Variants in NOMO2 observed in about 807,000 individuals in gnomAD.
NOMO2 encodes BOS complex subunit NOMO2.
In NOMO2, 14 loss-of-function variants were observed where a neutral mutation model predicts 67.1. The observed-to-expected ratio is 0.21, with a 90% CI of 0.14 to 0.33. The LOEUF (loss-of-function observed/expected upper bound fraction) is 0.33. Ranked by LOEUF, NOMO2 falls within the 10% of genes least tolerant of loss-of-function variation. The probability of loss-of-function intolerance (pLI) is 1.00; values close to 1 mark genes in which losing one functional copy is unlikely to be tolerated. For synonymous variants in NOMO2, 80 were observed against 305.9 expected (o/e 0.26, Z 7.71); for missense variants, 178 against 761.0 (o/e 0.23, Z 9.01).
intron 11 of NOMO2, among the ~76,000 whole-genome samples, chr16:18,536,070 A>G (rs887735465): frequency 3.9e-5 from 6 of 152,178 alleles, no homozygotes; most frequent in Non-Finnish European, 7.4e-5. Context: ...TGCTGAGATC[A>G]TAGGCGTGAG....
intron 1 of NOMO2, among the ~76,000 whole-genome samples, chr16:18,561,028 A>G (rs1902025356): frequency 1.3e-5 from 2 of 151,078 alleles, no homozygotes; most frequent in Non-Finnish European, 2.9e-5. Context: ...AATGAGGCCC[A>G]GGCCTTGCTC....
At chr16:18,556,763 T>C (rs1248778843) in intron 2 of NOMO2, among the ~76,000 whole-genome samples, 1 of 152,108 alleles carries the variant, frequency 6.6e-6, no homozygotes, top group Non-Finnish European at 1.5e-5. Flanking sequence ...CATGTATACA[T>C]ATGCATGTGT....
chr16:18,553,394 A>G (rs1341964878), intron 3 of NOMO2, among the ~76,000 whole-genome samples: 1 of 151,900 alleles, frequency 6.6e-6, no homozygotes, highest in Non-Finnish European at 1.5e-5. Context: ...AAAGTTCATA[A>G]TGTTGAGTGA....
intron 3 of NOMO2, among the ~76,000 whole-genome samples, chr16:18,553,805 AC>A (rs974134060): frequency 2.2e-4 from 29 of 131,554 alleles, no homozygotes; most frequent in Admixed American, 6.6e-4. Flanking sequence ...CCAGCCAGGC[AC>A]CCCCCACCCT....
Position 18,556,725 on chromosome 16 carries a change from G to A in NOMO2, c.255+977C>T, listed in dbSNP as rs1027326884. 6.6e-5 allele frequency among the ~76,000 whole-genome samples: 10 copies of A among 152,142 alleles called. No homozygotes were observed. The East Asian group carries it at 7.7e-4, about 12-fold the overall frequency. Reference sequence around the variant, plus strand: ...ATAGAGGTGTTTGTGGATACATATCGATGTGCATGTGTGCTTGTGTGTATT... The same window carrying A: ...ATAGAGGTGTTTGTGGATACATATCAATGTGCATGTGTGCTTGTGTGTATT... On this transcript the variant is annotated intron_variant, in intron 2 of 30. Coordinates refer to ENST00000622306, the MANE Select transcript of NOMO2 (RefSeq NM_173614.4).
At chr16:18,545,334 G>T (rs894086568) in intron 6 of NOMO2, among the ~76,000 whole-genome samples, 2 of 151,144 alleles carry the variant, frequency 1.3e-5, no homozygotes, top group African/African-American at 4.9e-5. Flanking sequence ...CTGACCTCAA[G>T]TGATCCACCC....
In NOMO2 at chr16:18,558,890, G is replaced by A. The variant is rs938346771; in HGVS notation, c.166-1099C>T. 16 of 454,706 alleles carry A rather than the reference G, an allele frequency of 3.5e-5. 1 individual carries two copies. Among genetic ancestry groups the A allele is most frequent in the African/African-American group, 1.0e-4 (5 of 49,984 alleles). The allele number at this position is 454,706 out of a possible 1,614,324, so 28.2% of individuals were successfully genotyped here. A position where few individuals can be genotyped will look rare whatever the true frequency, so the allele number is the denominator to read the frequency against. Reference sequence around the variant, plus strand: ...TGGATTCAAAGAAAAATCAGTTTGCGGCCAGGCATGGTGGCTCATGCCTGT... The same window carrying A: ...TGGATTCAAAGAAAAATCAGTTTGCAGCCAGGCATGGTGGCTCATGCCTGT... On this transcript the variant is annotated intron_variant, in intron 1 of 30. Coordinates refer to ENST00000622306, the MANE Select transcript of NOMO2 (RefSeq NM_173614.4).
chr16:18,526,355 T>G (rs1368092685), intron 16 of NOMO2, among the ~76,000 whole-genome samples: 1 of 152,100 alleles, frequency 6.6e-6, no homozygotes, highest in Non-Finnish European at 1.5e-5. Context: ...GAAAACAATT[T>G]GACAGTTTCT....
chr16:18,539,458 C>T (rs1346915762), intron 9 of NOMO2, among the ~76,000 whole-genome samples: 3 of 151,416 alleles, frequency 2.0e-5, no homozygotes, highest in African/African-American at 7.3e-5. Flanking sequence ...AACACAGGTC[C>T]TTATGAAATC....
chr16:18,531,869 C>T (rs954501038), intron 12 of NOMO2, among the ~76,000 whole-genome samples: 3 of 152,014 alleles, frequency 2.0e-5, no homozygotes, highest in East Asian at 1.9e-4. Flanking sequence ...CCCACAGGCC[C>T]GCAACGCGGA....
In NOMO2 at chr16:18,561,201, A is replaced by C. The variant is rs866186378; in HGVS notation, c.165+675T>G. On this transcript the variant is annotated intron_variant, in intron 1 of 30. Transcript: ENST00000622306. ...AAAAAAAAAAAAAAAAAAAAAAAAA[A>C]AAAAAACCTTTACAAATCTCTAGGG... Among the ~76,000 whole-genome samples, 169 of 149,020 alleles carry C rather than the reference A, an allele frequency of 1.1e-3. 2 individuals are homozygous for C. Among genetic ancestry groups the C allele is most frequent in the Non-Finnish European group, 2.0e-3 (131 of 67,130 alleles).
chr16:18,531,166 T>A lies in NOMO2; in HGVS notation c.1540A>T (p.Thr514Ser). ...SVSGKVSCLD[T>S]CGDLLVTLQS... ...AGAGTCACCAGCAAGTCACCACAGG[T>A]GTCTGCAGGGAAAAGAAGGGAGGGC... is the stretch of plus-strand genomic sequence containing the variant. The change falls in exon 14 of 31, where the codon ACC (threonine) becomes TCC (serine). Residue 514 changes from threonine (T) to serine (S), a missense_variant and splice_region_variant. Thr to Ser is a moderately conservative substitution (Grantham distance 58). Transcript: ENST00000622306. The A allele has an allele frequency of 1.5e-6, 1 of 651,260 alleles. No homozygotes were observed. Among genetic ancestry groups the A allele is most frequent in the African/African-American group, 1.9e-5 (1 of 52,258 alleles). The allele number at this position is 651,260 out of a possible 1,614,324, so 40.3% of individuals were successfully genotyped here.
intron 1 of NOMO2, among the ~76,000 whole-genome samples, chr16:18,560,857 G>T (rs1902022143): frequency 6.6e-6 from 1 of 151,202 alleles, no homozygotes; most frequent in Non-Finnish European, 1.5e-5. Context: ...GCCAGCCCTG[G>T]AACAGCTCAA....
intron 16 of NOMO2, among the ~76,000 whole-genome samples, chr16:18,526,444 C>T (rs562600824): frequency 2.1e-4 from 32 of 151,992 alleles, no homozygotes; most frequent in Admixed American, 5.2e-4. Context: ...TGAAAACATA[C>T]GGACACAAAG....
rs1901504682 is a variant in NOMO2 at position 18,539,681 on chromosome 16, C to T, written c.964-717G>A. Among the ~76,000 whole-genome samples, 5 of 151,818 alleles carry T rather than the reference C, an allele frequency of 3.3e-5. No homozygotes were observed. In the South Asian group the frequency reaches 6.3e-4, roughly 19 times the overall value. On this transcript the variant is annotated intron_variant, in intron 9 of 30. Transcript: ENST00000622306. Reference sequence around the variant, plus strand: ...CTGAGGCAGGAGAATCGCTTCAACTCGGGATGCGGAGGTTGCAGTGAGCCA... The same window carrying T: ...CTGAGGCAGGAGAATCGCTTCAACTTGGGATGCGGAGGTTGCAGTGAGCCA...
chr16:18,539,889 G>T (rs904653674), intron 9 of NOMO2, among the ~76,000 whole-genome samples: 8 of 152,058 alleles, frequency 5.3e-5, no homozygotes, highest in Non-Finnish European at 1.0e-4. Context: ...TGCTTTCTCT[G>T]CAGTTACTGA....
chr16:18,557,879 T>C, intron 1 of NOMO2, 88 bp from the exon 2 acceptor site: 2 of 1,593,102 alleles, frequency 1.3e-6, no homozygotes, highest in South Asian at 1.1e-5. Flanking sequence ...TCAGTCAGTA[T>C]ACATTCACTG....
At position 18,536,801 on chromosome 16, in the gene NOMO2, AC is replaced by A. The variant is rs770431914; in HGVS notation, c.1220+1724del. On this transcript the variant is annotated intron_variant, in intron 11 of 30. Transcript: ENST00000622306. ...AAAGTGTTTATGGAAGGTGGGAAAG[AC>A]TTAAATCCAAGAATTACTTTCTGAG... Among the ~76,000 whole-genome samples the A allele has an allele frequency of 2.0e-5, 3 of 152,272 alleles. No individual in the cohort carries two copies. In the East Asian group the frequency reaches 5.8e-4, roughly 29 times the overall value.
chr16:18,541,592 A>G (rs1312898650), intron 9 of NOMO2, among the ~76,000 whole-genome samples: 1 of 146,870 alleles, frequency 6.8e-6, no homozygotes, highest in Non-Finnish European at 1.5e-5. Flanking sequence ...CTGTAATCCC[A>G]ACACTTTGGG....
Sources: gnomAD v4.1 joint callset for allele counts (sites outside exome capture counted in the v4.1 genomes callset) on GRCh38, gnomAD v4.1.1 for gene constraint, MANE v1.5 for transcripts, NCBI Gene and HGNC (gene_info 2026-07-23, HGNC 2026-07-21) for gene names.